The following CDH20 variants were observed in gnomAD, a reference collection of about 807,000 sequenced individuals.
CDH20 encodes cadherin-20.
In CDH20, 29 loss-of-function variants were observed where a neutral mutation model predicts 74.2. The observed-to-expected ratio is 0.39, with a 90% CI of 0.29 to 0.53. CDH20 has a LOEUF of 0.53. Ranked by LOEUF, CDH20 falls within the 20% of genes least tolerant of loss-of-function variation. CDH20 has a pLI of 0.69. For synonymous variants in CDH20, 469 were observed against 405.4 expected (o/e 1.16, Z -1.88); for missense variants, 988 against 1,048.3 (o/e 0.94, Z 0.79).
At chr18:61,380,682 G>A (rs913441524) in intron 1 of CDH20, among the ~76,000 whole-genome samples, 1 of 152,164 alleles carries the variant, frequency 6.6e-6, no homozygotes, top group African/African-American at 2.4e-5. Flanking sequence ...GGTGGCACAT[G>A]CCTGTAATCC....
chr18:61,508,530 A>AT lies in CDH20; in HGVS notation c.1017+970_1017+971insT, dbSNP rs956587171. The stretch of plus-strand genomic sequence containing the variant: ...GCCCATCAATCAAAGAGTGGATAAA[A>AT]AAACTGTGGTAAATATATATAATGG... On this transcript the variant is annotated intron_variant, in intron 6 of 11. Coordinates refer to ENST00000262717, the MANE Select transcript of CDH20 (RefSeq NM_031891.4). 4.1e-3 allele frequency among the ~76,000 whole-genome samples: 622 copies of AT among 151,830 alleles called. 3 individuals are homozygous for AT. The East Asian group carries it at 0.042, about 10-fold the overall frequency.
At chr18:61,419,172 T>C (rs1232138516) in intron 1 of CDH20, among the ~76,000 whole-genome samples, 3 of 152,144 alleles carry the variant, frequency 2.0e-5, no homozygotes, top group African/African-American at 7.2e-5. Flanking sequence ...CAAGTGATCC[T>C]CCTACCTCAG....
chr18:61,340,586 A>G (rs543774789), intron 1 of CDH20, among the ~76,000 whole-genome samples: 1 of 152,330 alleles, frequency 6.6e-6, no homozygotes, highest in African/African-American at 2.4e-5. Context: ...AAGTGTACTC[A>G]TAAGTATTAT....
chr18:61,489,013 C>A (rs75071889), intron 1 of CDH20, among the ~76,000 whole-genome samples: 3,567 of 152,294 alleles, frequency 0.023, 151 homozygotes, highest in East Asian at 0.11. Flanking sequence ...ATGAGGTGCA[C>A]CTGGCTTGCT....
At position 61,549,415 on chromosome 18, in the gene CDH20, C is replaced by T. The variant is rs115561147; in HGVS notation, c.1649-563C>T. On this transcript the variant is annotated intron_variant, in intron 10 of 11. Coordinates refer to ENST00000262717, the MANE Select transcript of CDH20 (RefSeq NM_031891.4). ...TGATTAGGGGATTTCAAAGAAGCTT[C>T]TACTAAATGAGCAGGTTCTTTAGGA... is the stretch of plus-strand genomic sequence containing the variant. Among the ~76,000 whole-genome samples the T allele has an allele frequency of 4.7e-3, 710 of 152,308 alleles. 10 individuals carry two copies. The highest frequency in any genetic ancestry group is 0.016 in the African/African-American group (680 of 41,574).
chr18:61,355,459 A>G (rs750298443), intron 1 of CDH20, among the ~76,000 whole-genome samples: 3 of 152,242 alleles, frequency 2.0e-5, no homozygotes, highest in Non-Finnish European at 2.9e-5. Flanking sequence ...TTTAGTATTT[A>G]CACACAAGGA....
chr18:61,477,119 A>G (rs192580308), intron 1 of CDH20, among the ~76,000 whole-genome samples: 4 of 152,300 alleles, frequency 2.6e-5, no homozygotes, highest in African/African-American at 9.6e-5. Flanking sequence ...TCCTTGCCCC[A>G]TGATTTTATT....
intron 1 of CDH20, among the ~76,000 whole-genome samples, chr18:61,453,312 C>T (rs1909459563): frequency 6.6e-6 from 1 of 152,192 alleles, no homozygotes; most frequent in African/African-American, 2.4e-5. Context: ...GAGTCCTGCT[C>T]TGTCACCCAG....
chr18:61,432,672 G>A (rs536223821), intron 1 of CDH20, among the ~76,000 whole-genome samples: 4 of 152,234 alleles, frequency 2.6e-5, no homozygotes, highest in South Asian at 4.1e-4. Context: ...CCACCCCTAG[G>A]GGAAGGGGTG....
chr18:61,374,518 A>C (rs1911149040), intron 1 of CDH20, among the ~76,000 whole-genome samples: 1 of 152,180 alleles, frequency 6.6e-6, no homozygotes, highest in African/African-American at 2.4e-5. Context: ...ATTCTATTAG[A>C]GAGAAATATT....
At chr18:61,478,737 G>A (rs1344401919) in intron 1 of CDH20, among the ~76,000 whole-genome samples, 1 of 152,130 alleles carries the variant, frequency 6.6e-6, no homozygotes, top group Admixed American at 6.5e-5. Flanking sequence ...ATGTAACACA[G>A]ATGAAGGTGG....
Position 61,353,851 on chromosome 18 carries a change from G to GA in CDH20, c.-153+20024_-153+20025insA, listed in dbSNP as rs1035869282. Among the ~76,000 whole-genome samples, 2 of 152,116 alleles carry GA rather than the reference G, an allele frequency of 1.3e-5. No homozygotes were observed. The highest frequency in any genetic ancestry group is 4.8e-5 in the African/African-American group (2 of 41,432). ...AATCCCAGCATTTTAGGAGGCCGGG[G>GA]CGGTTGGATTGCCTGAACTCTGTAG... On this transcript the variant is annotated intron_variant, in intron 1 of 11. Coordinates refer to ENST00000262717, the MANE Select transcript of CDH20 (RefSeq NM_031891.4). This position sits in a 1 kb window ranked among gnomAD's most constrained non-coding sequence, Gnocchi z 4.6.
chr18:61,351,623 A>G (rs1356098433), intron 1 of CDH20, among the ~76,000 whole-genome samples: 3 of 151,608 alleles, frequency 2.0e-5, no homozygotes, highest in Non-Finnish European at 4.4e-5. Flanking sequence ...GACAGCAAAA[A>G]TAACTGCAAA....
rs377100723 is a variant in CDH20 at position 61,508,917 on chromosome 18, G to A, written c.1017+1357G>A. On this transcript the variant is annotated intron_variant, in intron 6 of 11. Transcript: ENST00000262717. ...CTCCCAAAGTGCTGGGATTACAGGC[G>A]TGAGCCACTGCACCCAGCTGATTGG... 2.6e-5 allele frequency among the ~76,000 whole-genome samples: 4 copies of A among 152,176 alleles called. No homozygotes were observed. The East Asian group carries it at 5.8e-4, about 22-fold the overall frequency.
chr18:61,410,525 G>A (rs1452137364), intron 1 of CDH20, among the ~76,000 whole-genome samples: 2 of 152,054 alleles, frequency 1.3e-5, no homozygotes, highest in Admixed American at 1.3e-4. Flanking sequence ...AGGAAGTAAC[G>A]CCATTTTCTT....
intron 1 of CDH20, among the ~76,000 whole-genome samples, chr18:61,342,061 A>G (rs1271254340): frequency 6.6e-6 from 1 of 152,194 alleles, no homozygotes; most frequent in African/African-American, 2.4e-5. Flanking sequence ...CACAGAGGAT[A>G]TTATTTGACT....
At chr18:61,430,824 A>G (rs1229606903) in intron 1 of CDH20, among the ~76,000 whole-genome samples, 1 of 152,096 alleles carries the variant, frequency 6.6e-6, no homozygotes, top group East Asian at 1.9e-4. Context: ...TTCTGGCAGT[A>G]TAAGACCCTC....
At chr18:61,351,918 T>C (rs1910319017) in intron 1 of CDH20, among the ~76,000 whole-genome samples, 1 of 152,144 alleles carries the variant, frequency 6.6e-6, no homozygotes, top group Non-Finnish European at 1.5e-5. Flanking sequence ...GCTTCTGCAA[T>C]GAAAAATGAT....
chr18:61,439,570 T>A (rs1908957319), intron 1 of CDH20, among the ~76,000 whole-genome samples: 2 of 152,198 alleles, frequency 1.3e-5, no homozygotes. Context: ...TATAATAATA[T>A]TAATTTAGTC....
Sources: gnomAD v4.1 joint callset for allele counts (sites outside exome capture counted in the v4.1 genomes callset) on GRCh38, gnomAD v4.1.1 for gene constraint, Gnocchi (gnomAD v3.1) non-coding constraint, MANE v1.5 for transcripts, NCBI Gene and HGNC (gene_info 2026-07-23, HGNC 2026-07-21) for gene names.